The following CADM2 variants were observed in gnomAD, a reference collection of about 807,000 sequenced individuals.
CADM2 encodes the protein cell adhesion molecule 2.
Under a neutral mutation model 49.8 loss-of-function variants are expected in CADM2, and 12 were observed. That is an observed-to-expected ratio of 0.24 (90% CI 0.15 to 0.39). The LOEUF (loss-of-function observed/expected upper bound fraction) is 0.39, where lower values mean the gene tolerates loss of function less well. Ranked by LOEUF, CADM2 falls within the 10% of genes least tolerant of loss-of-function variation. The pLI is 1.00. For synonymous variants in CADM2, 214 were observed against 175.4 expected (o/e 1.22, Z -1.74); for missense variants, 378 against 492.3 (o/e 0.77, Z 2.20).
chr3:85,449,932 C>A (rs2037678068), intron 1 of CADM2, among the ~76,000 whole-genome samples: 1 of 151,998 alleles, frequency 6.6e-6, no homozygotes, highest in Non-Finnish European at 1.5e-5. Flanking sequence ...ACTTTCAATG[C>A]AAATTGGTTC....
chr3:86,015,044 G>T, intron 8 of CADM2: 1 of 827,468 alleles, frequency 1.2e-6, no homozygotes, highest in South Asian at 1.5e-5. Context: ...TGGATTTAAT[G>T]GCGGACACAC....
intron 1 of CADM2, among the ~76,000 whole-genome samples, chr3:84,975,312 A>C (rs564997266): frequency 6.6e-6 from 1 of 152,004 alleles, no homozygotes; most frequent in East Asian, 1.9e-4. Context: ...TTTTATTGGT[A>C]ATAATTATAG....
At chr3:85,376,387 T>G (rs2033594994) in intron 1 of CADM2, among the ~76,000 whole-genome samples, 1 of 152,082 alleles carries the variant, frequency 6.6e-6, no homozygotes, top group Admixed American at 6.6e-5. Flanking sequence ...TAATTTAAAC[T>G]ACTTGAAACA....
chr3:85,970,226 A>C (rs1317818890), intron 8 of CADM2, among the ~76,000 whole-genome samples: 2 of 151,422 alleles, frequency 1.3e-5, no homozygotes, highest in East Asian at 3.9e-4. Flanking sequence ...TTTGCAATTA[A>C]AGAGTTATGC....
intron 1 of CADM2, among the ~76,000 whole-genome samples, chr3:85,311,309 C>T (rs1408346628): frequency 1.3e-5 from 2 of 151,566 alleles, no homozygotes; most frequent in Non-Finnish European, 2.9e-5. Context: ...AATAAACATG[C>T]ATACTTTTGT....
chr3:85,266,174 C>G, intron 1 of CADM2, among the ~76,000 whole-genome samples: 1 of 151,812 alleles, frequency 6.6e-6, no homozygotes, highest in Non-Finnish European at 1.5e-5. Flanking sequence ...ATGGAGTTTG[C>G]GGATAAATAT....
chr3:85,190,780 A>G (rs1271926590), intron 1 of CADM2, among the ~76,000 whole-genome samples: 1 of 152,102 alleles, frequency 6.6e-6, no homozygotes. Flanking sequence ...TAGTGATTAT[A>G]CTTTCTTACC....
chr3:85,511,092 A>G (rs2106837826), intron 1 of CADM2, among the ~76,000 whole-genome samples: 1 of 152,134 alleles, frequency 6.6e-6, no homozygotes, highest in South Asian at 2.1e-4. Flanking sequence ...TCGAATGCCT[A>G]CCCTCACACT....
rs935005536 is a variant in CADM2 at position 85,312,532 on chromosome 3, A to G, written c.61+352864A>G. The stretch of plus-strand genomic sequence containing the variant: ...TCATCTAGTTTGCTATGAATTATCC[A>G]TAGGAATGCATTTCTGAGGGTATGA... On this transcript the variant is annotated intron_variant, in intron 1 of 9. Transcript: ENST00000383699. Among the ~76,000 whole-genome samples the G allele has an allele frequency of 2.0e-5, 3 of 152,140 alleles. No individual in the cohort carries two copies. The East Asian group carries it at 5.8e-4, about 29-fold the overall frequency.
chr3:85,566,238 G>A (rs1376331648), intron 1 of CADM2, among the ~76,000 whole-genome samples: 3 of 151,994 alleles, frequency 2.0e-5, no homozygotes, highest in South Asian at 2.1e-4. Context: ...CAATTTGATA[G>A]CATTAATACC....
chr3:85,505,002 A>T (rs941123290), intron 1 of CADM2, among the ~76,000 whole-genome samples: 1 of 152,192 alleles, frequency 6.6e-6, no homozygotes, highest in South Asian at 2.1e-4. Context: ...GCCCACCCGG[A>T]ACTCCAGCTG....
At chr3:85,496,567 A>G (rs1470209859) in intron 1 of CADM2, among the ~76,000 whole-genome samples, 2 of 152,082 alleles carry the variant, frequency 1.3e-5, no homozygotes, top group African/African-American at 4.8e-5. Context: ...CACTAATGGG[A>G]TTGCTAGGTC....
At chr3:85,263,424 C>A (rs961787374) in intron 1 of CADM2, among the ~76,000 whole-genome samples, 1 of 152,046 alleles carries the variant, frequency 6.6e-6, no homozygotes, top group Admixed American at 6.6e-5. Context: ...TAGTACCATA[C>A]CAGGTGTTTC....
intron 1 of CADM2, among the ~76,000 whole-genome samples, chr3:85,426,715 ACTAT>A (rs1304630226): frequency 3.3e-5 from 5 of 152,096 alleles, no homozygotes; most frequent in Non-Finnish European, 7.4e-5. Flanking sequence ...TCAAATGCAG[ACTAT>A]CTTTTAAGAA....
chr3:85,276,435 A>G (rs997355657), intron 1 of CADM2, among the ~76,000 whole-genome samples: 1 of 151,404 alleles, frequency 6.6e-6, no homozygotes, highest in Non-Finnish European at 1.5e-5. Flanking sequence ...GCTATTCACT[A>G]TTTCAGAATT....
rs189445226 is a variant in CADM2, at chr3:85,082,375, T to G, written c.61+122707T>G. Among the ~76,000 whole-genome samples, 42 of 152,316 alleles carry G rather than the reference T, an allele frequency of 2.8e-4. No homozygotes were observed. The East Asian group carries it at 7.7e-3, about 28-fold the overall frequency. On this transcript the variant is annotated intron_variant, in intron 1 of 9. Coordinates refer to ENST00000383699, the MANE Select transcript of CADM2 (RefSeq NM_001167675.2). ...ACAAAGAGCTTGAAAGATTCTTGTT[T>G]GTACTACAATGCACAGGGCATATTA...
chr3:85,367,652 A>G (rs2107304812), intron 1 of CADM2, among the ~76,000 whole-genome samples: 1 of 152,084 alleles, frequency 6.6e-6, no homozygotes, highest in Non-Finnish European at 1.5e-5. Flanking sequence ...TGCTTCCCGT[A>G]TATATTTCTA....
At chr3:85,015,664 A>T (rs1258656795) in intron 1 of CADM2, among the ~76,000 whole-genome samples, 1 of 152,208 alleles carries the variant, frequency 6.6e-6, no homozygotes, top group Non-Finnish European at 1.5e-5. Context: ...TGACTGAGGT[A>T]AGATAATTGT....
chr3:85,057,547 T>G (rs959162289), intron 1 of CADM2, among the ~76,000 whole-genome samples: 1 of 152,122 alleles, frequency 6.6e-6, no homozygotes, highest in Non-Finnish European at 1.5e-5. Flanking sequence ...ATAGAATCTG[T>G]TTTTCAAGAT....
Sources: allele counts gnomAD v4.1 joint callset (sites outside exome capture counted in the v4.1 genomes callset), GRCh38; gene constraint gnomAD v4.1.1; transcripts MANE v1.5; gene names NCBI Gene and HGNC (gene_info 2026-07-23, HGNC 2026-07-21).